The following MEGF9 variants were observed in gnomAD, a reference collection of about 807,000 sequenced individuals.
MEGF9 encodes multiple epidermal growth factor-like domains protein 9.
In MEGF9, 6 loss-of-function variants were observed where a neutral mutation model predicts 46.8. The ratio of observed to expected loss-of-function variants is 0.13; its 90% CI spans 0.07 to 0.25. MEGF9 has a LOEUF of 0.25. Among genes scored for constraint, MEGF9 ranks in the 10% least tolerant of loss-of-function variants. MEGF9 has a pLI of 1.00. For synonymous variants in MEGF9, 302 were observed against 330.7 expected (o/e 0.91, Z 0.94); for missense variants, 683 against 792.4 (o/e 0.86, Z 1.66).
At chr9:120,653,063 C>G (rs958446603) in intron 2 of MEGF9, among the ~76,000 whole-genome samples, 2 of 152,230 alleles carry the variant, frequency 1.3e-5, no homozygotes, top group African/African-American at 4.8e-5. Flanking sequence ...CACTACTTGT[C>G]TACAATTTCC....
At chr9:120,702,729 G>C (rs1588001027) in intron 1 of MEGF9, among the ~76,000 whole-genome samples, 1 of 152,174 alleles carries the variant, frequency 6.6e-6, no homozygotes, top group African/African-American at 2.4e-5. Flanking sequence ...GTAAGTGGGG[G>C]TGGTGATGTG....
intron 2 of MEGF9, among the ~76,000 whole-genome samples, chr9:120,631,648 G>T (rs1054599082): frequency 6.6e-6 from 1 of 151,386 alleles, no homozygotes; most frequent in African/African-American, 2.4e-5. Context: ...CCATGCCTGG[G>T]TAATTTTTGT....
At chr9:120,616,814 G>C (rs183384509) in intron 3 of MEGF9, among the ~76,000 whole-genome samples, 22 of 152,202 alleles carry the variant, frequency 1.4e-4, no homozygotes, top group Admixed American at 3.3e-4. Flanking sequence ...TCTGTAAAAT[G>C]GGATAATAAT....
At chr9:120,627,152 G>T (rs2132306366) in intron 2 of MEGF9, among the ~76,000 whole-genome samples, 1 of 152,162 alleles carries the variant, frequency 6.6e-6, no homozygotes, top group Non-Finnish European at 1.5e-5. Flanking sequence ...GAAAAAGAGA[G>T]CACATTATAA....
rs1024381556 is a variant in MEGF9, at chr9:120,714,150, G to A, written c.209C>T (p.Ala70Val). ...CGGGGCCTGGGCCGTGGGAGCCGTC[G>A]CCCTAGGGAAGGGGTGGCTGGGCTC... ...RGEPSHPFPR[A>V]TAPTAQAPRT... Residue 70 changes from alanine (A) to valine (V), a missense_variant, in exon 1 of 6, where the codon GCG becomes GTG. Coordinates refer to ENST00000373930, the MANE Select transcript of MEGF9 (RefSeq NM_001080497.3). 11 of 1,235,254 alleles carry A rather than the reference G, an allele frequency of 8.9e-6. No homozygotes were observed. In the African/African-American group the frequency reaches 1.7e-4, roughly 19 times the overall value. The allele number at this position is 1,235,254 out of a possible 1,614,324, so 76.5% of individuals were successfully genotyped here.
At chr9:120,709,000 A>G (rs2043940922) in intron 1 of MEGF9, among the ~76,000 whole-genome samples, 1 of 152,210 alleles carries the variant, frequency 6.6e-6, no homozygotes, top group Non-Finnish European at 1.5e-5. Flanking sequence ...TTAGGAACTA[A>G]CCACATCAAC....
chr9:120,677,320 A>T (rs1381950250), intron 1 of MEGF9, among the ~76,000 whole-genome samples: 1 of 152,048 alleles, frequency 6.6e-6, no homozygotes, highest in Non-Finnish European at 1.5e-5. Flanking sequence ...TTTTTTATAG[A>T]GATGGGGTAT....
intron 2 of MEGF9, among the ~76,000 whole-genome samples, chr9:120,650,238 A>C (rs1348257634): frequency 1.3e-5 from 2 of 152,242 alleles, no homozygotes; most frequent in Non-Finnish European, 2.9e-5. Context: ...ATCAATGTGC[A>C]ATTGTCTACA....
intron 1 of MEGF9, among the ~76,000 whole-genome samples, chr9:120,676,354 TA>T (rs1363000565): frequency 6.6e-6 from 1 of 152,220 alleles, no homozygotes; most frequent in African/African-American, 2.4e-5. Flanking sequence ...TTTTATAACT[TA>T]AAAAATATGT....
In MEGF9 at chr9:120,707,267, A is replaced by T. The variant is rs551642240; in HGVS notation, c.601+6491T>A. Among the ~76,000 whole-genome samples, 61 of 152,374 alleles carry T rather than the reference A, an allele frequency of 4.0e-4. 1 individual carries two copies. The highest frequency in any genetic ancestry group is 1.4e-3 in the African/African-American group (60 of 41,592). ...TCCCTCAAATCTGATGCTCAATACC[A>T]GAAGCTATGAAACTACAAATTTTCC... is the stretch of plus-strand genomic sequence containing the variant. On this transcript the variant is annotated intron_variant, in intron 1 of 5. Coordinates refer to ENST00000373930, the MANE Select transcript of MEGF9 (RefSeq NM_001080497.3).
intron 1 of MEGF9, among the ~76,000 whole-genome samples, chr9:120,706,656 A>G (rs2043930431): frequency 6.6e-6 from 1 of 152,260 alleles, no homozygotes; most frequent in South Asian, 2.1e-4. Flanking sequence ...GCAACATGGC[A>G]AAATCCCAAC....
chr9:120,606,752 C>T (rs1335491431), intron 5 of MEGF9, among the ~76,000 whole-genome samples: 1 of 152,132 alleles, frequency 6.6e-6, no homozygotes, highest in Non-Finnish European at 1.5e-5. Flanking sequence ...AGCATTATCA[C>T]ATTTAATGCT....
intron 2 of MEGF9, among the ~76,000 whole-genome samples, chr9:120,634,345 C>A (rs2043563818): frequency 6.6e-6 from 1 of 151,188 alleles, no homozygotes; most frequent in African/African-American, 2.4e-5. Flanking sequence ...TATATAATGA[C>A]CTTTTTTGTC....
intron 1 of MEGF9, among the ~76,000 whole-genome samples, chr9:120,703,752 C>T (rs529400382): frequency 1.3e-5 from 2 of 152,154 alleles, no homozygotes; most frequent in African/African-American, 4.8e-5. Context: ...ACGGGTGGAT[C>T]ACCTAAGGTC....
intron 1 of MEGF9, among the ~76,000 whole-genome samples, chr9:120,670,026 G>C (rs1405923120): frequency 4.6e-5 from 7 of 152,216 alleles, no homozygotes; most frequent in Admixed American, 4.6e-4. Flanking sequence ...AGAAGAAAGA[G>C]AGAAGTCTAG....
intron 2 of MEGF9, among the ~76,000 whole-genome samples, chr9:120,634,802 T>A (rs2043566863): frequency 6.6e-6 from 1 of 152,214 alleles, no homozygotes; most frequent in African/African-American, 2.4e-5. Context: ...ATATCCTTAT[T>A]TCCTTTGTTC....
chr9:120,615,312 CAT>C (rs1182112755), intron 3 of MEGF9, among the ~76,000 whole-genome samples: 3 of 147,300 alleles, frequency 2.0e-5, no homozygotes, highest in Admixed American at 1.3e-4. Context: ...CACACACACA[CAT>C]GCACACACAC....
intron 1 of MEGF9, among the ~76,000 whole-genome samples, chr9:120,692,657 C>T (rs796287089): frequency 2.6e-4 from 40 of 152,186 alleles, no homozygotes; most frequent in African/African-American, 9.4e-4. Context: ...CTCTTCATTC[C>T]CTGTTCCACC....
intron 1 of MEGF9, among the ~76,000 whole-genome samples, chr9:120,696,808 TATG>T (rs1334761812): frequency 6.6e-6 from 1 of 152,162 alleles, no homozygotes; most frequent in Admixed American, 6.5e-5. Flanking sequence ...ACTAGGCAAA[TATG>T]ATGAGGTTTT....
Sources: allele counts gnomAD v4.1 joint callset (sites outside exome capture counted in the v4.1 genomes callset), GRCh38; gene constraint gnomAD v4.1.1; transcripts MANE v1.5; gene names NCBI Gene and HGNC (gene_info 2026-07-23, HGNC 2026-07-21).